CRMP1: variants seen among roughly 807,000 people sequenced by gnomAD.
CRMP1 encodes the protein dihydropyrimidinase-related protein 1.
A neutral mutation model predicts 68.3 loss-of-function variants in CRMP1; 19 were observed. That is an observed-to-expected ratio of 0.28 (90% CI 0.19 to 0.41). The LOEUF is 0.41. Among genes scored for constraint, CRMP1 ranks in the 10% least tolerant of loss-of-function variants. The pLI is 1.00. For missense variants in CRMP1, 791 were observed against 967.4 expected (o/e 0.82, Z 2.42); for synonymous variants, 439 against 399.6 (o/e 1.10, Z -1.18).
At position 5,858,849 on chromosome 4, in the gene CRMP1, C is replaced by T. The variant is rs1713332969; in HGVS notation, c.655+2177G>A. On this transcript the variant is annotated intron_variant, in intron 3 of 13. Coordinates refer to ENST00000324989, the MANE Select transcript of CRMP1 (RefSeq NM_001014809.3). The surrounding 1 kb of genome is among the most constrained non-coding windows in gnomAD (Gnocchi z 5.5). ...ATCTCGACACCCCTGCACCGTGGGC[C>T]TCCCTGCAGTCTCTGGAATGGGAGG... Among the ~76,000 whole-genome samples, 1 of 152,172 alleles carries T rather than the reference C, an allele frequency of 6.6e-6. No individual in the cohort carries two copies. Among genetic ancestry groups the T allele is most frequent in the African/African-American group, 2.4e-5 (1 of 41,438 alleles).
intron 9 of CRMP1, among the ~76,000 whole-genome samples, chr4:5,837,664 AAAATAAAATAAAAT>A (rs1480146716): frequency 2.0e-4 from 22 of 108,340 alleles, no homozygotes; most frequent in South Asian, 5.6e-4. Context: ...AAAATAAAAT[AAAATAAAATAAAAT>A]AAATAAAATA....
chr4:5,836,926 G>A lies in CRMP1; in HGVS notation c.1311-20C>T, dbSNP rs1368901201. On this transcript the variant is annotated intron_variant, in intron 9 of 13. Coordinates refer to ENST00000324989, the MANE Select transcript of CRMP1 (RefSeq NM_001014809.3). ...TCCCCACTGGCAAGGACAAAACAAG[G>A]TAGAGTTCAGACCCTAGTTCATTTT... 6.9e-6 allele frequency: 11 copies of A among 1,596,890 alleles called. No homozygotes were observed. Among genetic ancestry groups the A allele is most frequent in the South Asian group, 1.1e-5 (1 of 87,820 alleles).
chr4:5,825,841 A>T lies in CRMP1; in HGVS notation c.1804-182T>A, dbSNP rs2152440464. The T allele has an allele frequency of 1.6e-6, 1 of 607,630 alleles. No homozygotes were observed. Among genetic ancestry groups the T allele is most frequent in the South Asian group, 2.1e-5 (1 of 48,134 alleles). The allele number at this position is 607,630 out of a possible 1,614,324, so 37.6% of individuals were successfully genotyped here. ...CACACACATGCAGCCGCACACAGGCATTCATACACACAAGCATGCATACAC... is the reference window on the plus strand; with the variant it reads ...CACACACATGCAGCCGCACACAGGCTTTCATACACACAAGCATGCATACAC... On this transcript the variant is annotated intron_variant, in intron 12 of 13. Coordinates refer to ENST00000324989, the MANE Select transcript of CRMP1 (RefSeq NM_001014809.3). The surrounding 1 kb of genome is among the most constrained non-coding windows in gnomAD (Gnocchi z 4.4).
Position 5,841,343 on chromosome 4 carries a change from C to G in CRMP1, c.1118G>C (p.Ser373Thr), listed in dbSNP as rs1711711152. 6 of 1,613,996 alleles carry G rather than the reference C, an allele frequency of 3.7e-6. No homozygotes were observed. In the Admixed American group the frequency reaches 5.0e-5, roughly 13 times the overall value. Residue 373 changes from serine to threonine, a missense_variant, in exon 8 of 14, where the codon AGT (serine) becomes ACT (threonine). Around this residue, in one of 3 missense-constraint regions of CRMP1, gnomAD observed 594 missense variants for 763.6 expected, o/e 0.78. Coordinates refer to ENST00000324989, the MANE Select transcript of CRMP1 (RefSeq NM_001014809.3). This position sits in a 1 kb window ranked among gnomAD's most constrained non-coding sequence, Gnocchi z 6.9. The stretch of plus-strand genomic sequence containing the variant: ...GGCCAGAGCGATGATGTCGGCTGCA[C>G]TCTTGCTCATGACCTTGGTGATGTA... Reference protein sequence around the residue: ...PVYITKVMSKSAADIIALARK... With the variant: ...PVYITKVMSKTAADIIALARK...
At chr4:5,856,095 C>G in intron 4 of CRMP1, 48 bp downstream of exon 4, 1 of 1,602,222 alleles carries the variant, frequency 6.2e-7, no homozygotes, top group Non-Finnish European at 8.5e-7. Context: ...TTGGATCTAC[C>G]AAAGAACAAG....
rs779528249 is a variant in CRMP1 at position 5,827,994 on chromosome 4, G to A, written c.1803+495C>T. On this transcript the variant is annotated intron_variant, in intron 12 of 13. Transcript: ENST00000324989. ...AAATAAGGAACGACAGGGCAGAAAC[G>A]TCAAGGGAGGAAGGAAAGGAAGAAA... The A allele has an allele frequency of 2.6e-5, 25 of 972,110 alleles. No individual in the cohort carries two copies. In the South Asian group the frequency reaches 5.2e-4, roughly 20 times the overall value. The allele number at this position is 972,110 out of a possible 1,614,324, so 60.2% of individuals were successfully genotyped here. A position where few individuals can be genotyped will look rare whatever the true frequency, so the allele number is the denominator to read the frequency against.
intron 3 of CRMP1, among the ~76,000 whole-genome samples, chr4:5,857,745 G>A (rs1003576474): frequency 6.6e-6 from 1 of 152,124 alleles, no homozygotes; most frequent in Non-Finnish European, 1.5e-5. Flanking sequence ...CAGACAGTCT[G>A]AACTCTTACC....
At chr4:5,846,392 G>C (rs1191713106) in intron 6 of CRMP1, among the ~76,000 whole-genome samples, 2 of 152,210 alleles carry the variant, frequency 1.3e-5, no homozygotes, top group Non-Finnish European at 2.9e-5. Flanking sequence ...CCTCTGGGAA[G>C]CTTGCAGTTG....
chr4:5,839,344 A>C (rs1259407516), intron 9 of CRMP1, among the ~76,000 whole-genome samples, 178 bp downstream of exon 9: 1 of 152,214 alleles, frequency 6.6e-6, no homozygotes, highest in African/African-American at 2.4e-5. Context: ...TGGATGCCAC[A>C]GATCTTCAGG....
rs1560503957 is a variant in CRMP1, at chr4:5,854,406, T to TTTTTG, written c.820+1736_820+1737insCAAAA. ...ACCACCACTCCTGGCTATGTTTTTT[T>TTTTTG]TTTTTTTTTTTTTTTTTTAATAGAG... On this transcript the variant is annotated intron_variant, in intron 4 of 13. Transcript: ENST00000324989. This position sits in a 1 kb window ranked among gnomAD's most constrained non-coding sequence, Gnocchi z 4.0. 6.8e-6 allele frequency among the ~76,000 whole-genome samples: 1 copy of TTTTTG among 146,282 alleles called. No homozygotes were observed. Among genetic ancestry groups the TTTTTG allele is most frequent in the African/African-American group, 2.5e-5 (1 of 39,314 alleles).
At chr4:5,839,391 C>T in intron 9 of CRMP1, 131 bp downstream of exon 9, 2 of 1,159,756 alleles carry the variant, frequency 1.7e-6, no homozygotes, top group South Asian at 1.6e-5. Flanking sequence ...TGAGCGCAGT[C>T]CTTGCAGAGC....
At chr4:5,846,899 G>T (rs1173012495) in intron 6 of CRMP1, among the ~76,000 whole-genome samples, 1 of 149,672 alleles carries the variant, frequency 6.7e-6, no homozygotes, top group East Asian at 2.0e-4. Context: ...ACAGGCATGA[G>T]CCACCGTGCC....
chr4:5,876,201 G>A (rs114312907), intron 1 of CRMP1, among the ~76,000 whole-genome samples: 2 of 151,944 alleles, frequency 1.3e-5, no homozygotes, highest in Non-Finnish European at 2.9e-5. Flanking sequence ...TGGCCTTGCA[G>A]AGTCAAAATA....
At chr4:5,887,828 G>A (rs1577854455) in intron 1 of CRMP1, 23 of 997,412 alleles carry the variant, frequency 2.3e-5, no homozygotes, top group Non-Finnish European at 2.6e-5. Flanking sequence ...CGGACGGTGC[G>A]GGGGCCGAGC....
intron 6 of CRMP1, among the ~76,000 whole-genome samples, chr4:5,846,033 C>T (rs1037736275): frequency 2.0e-5 from 3 of 152,136 alleles, no homozygotes; most frequent in Admixed American, 6.5e-5. Flanking sequence ...TGGTGGCTCA[C>T]ACCTGTAATC....
rs941112414 is a variant in CRMP1 at position 5,892,766 on chromosome 4, G to C, written c.204C>G (p.Gly68=). The change falls in exon 1 of 14, where the codon GGC becomes GGG. Residue 68 remains glycine (G), a synonymous_variant. Coordinates refer to ENST00000324989, the MANE Select transcript of CRMP1 (RefSeq NM_001014809.3). The surrounding 1 kb of genome is among the most constrained non-coding windows in gnomAD (Gnocchi z 8.6). Reference sequence around the variant, plus strand: ...CTGGCAGCCCGACCGCGTCGGGCCGGCCAGCGCTGCGCGGCGTGCGCGCCG... The same window carrying C: ...CTGGCAGCCCGACCGCGTCGGGCCGCCCAGCGCTGCGCGGCGTGCGCGCCG... ...RGSARTPRSA[G]RPDAVGLPGP... is the part of the protein sequence containing the mutation. 1.6e-6 allele frequency: 2 copies of C among 1,260,930 alleles called. No homozygotes were observed. Among genetic ancestry groups the C allele is most frequent in the Non-Finnish European group, 2.0e-6 (2 of 1,003,250 alleles). The allele number at this position is 1,260,930 out of a possible 1,614,324, so 78.1% of individuals were successfully genotyped here.
chr4:5,839,159 CGAG>C (rs1711513133), intron 9 of CRMP1, among the ~76,000 whole-genome samples: 1 of 152,188 alleles, frequency 6.6e-6, no homozygotes. Flanking sequence ...TTGAGTAAAA[CGAG>C]GGAGACAGAG....
chr4:5,823,829 T>C (rs887407275), intron 13 of CRMP1, among the ~76,000 whole-genome samples: 1 of 152,238 alleles, frequency 6.6e-6, no homozygotes, highest in African/African-American at 2.4e-5. Flanking sequence ...AGGTAATCCT[T>C]TATAGCAATG....
intron 1 of CRMP1, among the ~76,000 whole-genome samples, chr4:5,876,392 A>T (rs1352037888): frequency 6.6e-6 from 1 of 152,106 alleles, no homozygotes; most frequent in East Asian, 1.9e-4. Flanking sequence ...GGGTGTCAAC[A>T]TAGGGTCTCA....
Sources: gnomAD v4.1 joint callset for allele counts (sites outside exome capture counted in the v4.1 genomes callset) on GRCh38, gnomAD v4.1.1 for gene constraint, gnomAD v4.1.1 regional missense constraint, Gnocchi (gnomAD v3.1) non-coding constraint, MANE v1.5 for transcripts, NCBI Gene and HGNC (gene_info 2026-07-23, HGNC 2026-07-21) for gene names.